Variants in NAV1 observed in about 807,000 individuals in gnomAD.
NAV1 encodes neuron navigator 1, also known as pore membrane and/or filament interacting like protein 3.
Under a neutral mutation model 175.2 loss-of-function variants are expected in NAV1, and 18 were observed. The observed-to-expected ratio is 0.10, with a 90% confidence interval of 0.07 to 0.15. NAV1 has a LOEUF of 0.15. Among genes scored for constraint, NAV1 ranks in the 10% least tolerant of loss-of-function variants. The pLI, the probability that NAV1 is intolerant of heterozygous loss-of-function variation, is 1.00. For missense variants in NAV1, 1,731 were observed against 2,436.6 expected (o/e 0.71, Z 6.10); for synonymous variants, 897 against 978.7 (o/e 0.92, Z 1.56).
chr1:201,743,548 G>A (rs1997626), intron 3 of NAV1, among the ~76,000 whole-genome samples: 51,576 of 152,152 alleles, frequency 0.34, 9,632 homozygotes, highest in Non-Finnish European at 0.42. Flanking sequence ...ATGAGAAAAT[G>A]TGAAGAGCAG....
At chr1:201,586,329 A>C (rs989356666) in intron 1 of NAV1, among the ~76,000 whole-genome samples, 3 of 152,042 alleles carry the variant, frequency 2.0e-5, no homozygotes, top group African/African-American at 7.2e-5. Flanking sequence ...GTTATTTTTT[A>C]ATGGGTACAG....
At chr1:201,557,083 G>C (rs2102459826) in intron 1 of NAV1, among the ~76,000 whole-genome samples, 2 of 149,592 alleles carry the variant, frequency 1.3e-5, no homozygotes. Context: ...TTTCTCTTAG[G>C]AAGCCCTAGG....
chr1:201,612,551 T>G (rs1254823522), intron 2 of NAV1, among the ~76,000 whole-genome samples: 1 of 152,224 alleles, frequency 6.6e-6, no homozygotes. Flanking sequence ...ATTTGGTGTC[T>G]GGTGAAGGCC....
intron 1 of NAV1, among the ~76,000 whole-genome samples, chr1:201,558,240 G>A (rs780750688): frequency 6.6e-6 from 1 of 152,196 alleles, no homozygotes; most frequent in Non-Finnish European, 1.5e-5. Flanking sequence ...CCATAACCCA[G>A]TGAGGTCCAG....
chr1:201,687,446 G>A (rs1670729805), intron 1 of NAV1, among the ~76,000 whole-genome samples: 1 of 152,160 alleles, frequency 6.6e-6, no homozygotes, highest in South Asian at 2.1e-4. Flanking sequence ...AGGATGGATG[G>A]GGTTTCCCAC....
intron 2 of NAV1, among the ~76,000 whole-genome samples, chr1:201,616,007 G>GTT (rs141764383): frequency 1.4e-4 from 21 of 148,598 alleles, no homozygotes; most frequent in African/African-American, 4.0e-4. Flanking sequence ...GAAAAAGAAG[G>GTT]TTTTTTTTTT....
At chr1:201,549,143 C>CTTTT (rs377171359) in intron 1 of NAV1, among the ~76,000 whole-genome samples, 1 of 107,956 alleles carries the variant, frequency 9.3e-6, no homozygotes, top group African/African-American at 3.3e-5. Context: ...TTCTTTCTTT[C>CTTTT]TTCTTTCTCT....
intron 1 of NAV1, among the ~76,000 whole-genome samples, chr1:201,549,901 C>G (rs1050965656): frequency 1.4e-5 from 2 of 147,514 alleles, no homozygotes; most frequent in East Asian, 4.4e-4. Flanking sequence ...GTCCCAGCTA[C>G]TTGGGAGGCT....
intron 3 of NAV1, among the ~76,000 whole-genome samples, chr1:201,756,809 C>CTTTCT (rs1491290809): frequency 1.3e-3 from 36 of 27,004 alleles, no homozygotes; most frequent in African/African-American, 2.9e-3. Context: ...TCTTTCTTTC[C>CTTTCT]TTCTTTCTTT....
chr1:201,687,374 T>C (rs1464102282), intron 1 of NAV1, among the ~76,000 whole-genome samples: 1 of 152,146 alleles, frequency 6.6e-6, no homozygotes, highest in Non-Finnish European at 1.5e-5. Context: ...AATGGGAGGA[T>C]TGGTAAGAGC....
intron 1 of NAV1, among the ~76,000 whole-genome samples, chr1:201,698,926 C>T (rs1374410065): frequency 6.6e-6 from 1 of 152,226 alleles, no homozygotes; most frequent in African/African-American, 2.4e-5. Context: ...TTCTGGGCCT[C>T]AGTGGCAGGG....
chr1:201,762,880 G>A (rs1022983996), intron 3 of NAV1, among the ~76,000 whole-genome samples: 6 of 152,316 alleles, frequency 3.9e-5, no homozygotes, highest in African/African-American at 1.4e-4. Flanking sequence ...GGGTGAGACA[G>A]TGGTGAGGAA....
chr1:201,720,089 G>C (rs958980487), intron 3 of NAV1, among the ~76,000 whole-genome samples: 1 of 152,256 alleles, frequency 6.6e-6, no homozygotes, highest in Non-Finnish European at 1.5e-5. Flanking sequence ...CTGGAGCTGG[G>C]ACCAGAGAAA....
chr1:201,747,683 T>C (rs1184635357), intron 3 of NAV1, among the ~76,000 whole-genome samples: 1 of 152,234 alleles, frequency 6.6e-6, no homozygotes, highest in Non-Finnish European at 1.5e-5. Flanking sequence ...AAAAGTTCCC[T>C]AATGAAATCT....
In NAV1 at chr1:201,750,390, AG is replaced by A. The variant is rs1674030043; in HGVS notation, c.1227-30029del. Among the ~76,000 whole-genome samples, 1 of 151,964 alleles carries A rather than the reference AG, an allele frequency of 6.6e-6. No homozygotes were observed. The highest frequency in any genetic ancestry group is 2.4e-5 in the African/African-American group (1 of 41,374). On this transcript the variant is annotated intron_variant, in intron 3 of 29. Coordinates refer to ENST00000367296, the Ensembl canonical transcript of NAV1. This position sits in a 1 kb window ranked among gnomAD's most constrained non-coding sequence, Gnocchi z 4.1. The stretch of plus-strand genomic sequence containing the variant: ...TTGACCAAGTCAGGGTGGGGAGGGG[AG>A]GAAGAGGGGCAGGTGGACTTGGTGA...
At chr1:201,580,109 G>A (rs1391132659) in intron 1 of NAV1, among the ~76,000 whole-genome samples, 1 of 152,152 alleles carries the variant, frequency 6.6e-6, no homozygotes, top group Non-Finnish European at 1.5e-5. Flanking sequence ...CCAGCTCCAG[G>A]AGAGAGAGAG....
chr1:201,681,545 G>A (rs893963614), intron 1 of NAV1, among the ~76,000 whole-genome samples: 1 of 152,152 alleles, frequency 6.6e-6, no homozygotes, highest in Non-Finnish European at 1.5e-5. Flanking sequence ...TTCCTGTTCG[G>A]TCCAGCTGGA....
intron 1 of NAV1, among the ~76,000 whole-genome samples, chr1:201,705,559 G>A (rs560723189): frequency 4.6e-5 from 7 of 152,274 alleles, no homozygotes; most frequent in African/African-American, 1.7e-4. Context: ...ACTCAACTAC[G>A]AGAAGCATGA....
chr1:201,772,892 G>C (rs1675681224), intron 3 of NAV1, among the ~76,000 whole-genome samples: 1 of 152,136 alleles, frequency 6.6e-6, no homozygotes, highest in Non-Finnish European at 1.5e-5. Flanking sequence ...AATTGGCCGG[G>C]CGTGGTGGCG....
Sources: allele counts gnomAD v4.1 joint callset (sites outside exome capture counted in the v4.1 genomes callset), GRCh38; gene constraint gnomAD v4.1.1; non-coding constraint Gnocchi (gnomAD v3.1); transcripts MANE v1.5; gene names NCBI Gene and HGNC (gene_info 2026-07-23, HGNC 2026-07-21).